Variants in IFNAR2 observed in about 807,000 individuals in gnomAD.
IFNAR2 encodes interferon alpha and beta receptor subunit 2.
Under a neutral mutation model 49.4 loss-of-function variants are expected in IFNAR2, and 30 were observed. The ratio of observed to expected loss-of-function variants is 0.61; its 90% CI spans 0.45 to 0.82. IFNAR2 has a LOEUF of 0.82. IFNAR2 is among the 40% of genes least tolerant of loss of function. The pLI, the probability that IFNAR2 is intolerant of heterozygous loss-of-function variation, is 0.00. For synonymous variants in IFNAR2, 224 were observed against 234.5 expected (o/e 0.96, Z 0.41); for missense variants, 600 against 622.7 (o/e 0.96, Z 0.39).
At chr21:33,236,420 C>G (rs1013984213) in intron 1 of IFNAR2, among the ~76,000 whole-genome samples, 1 of 152,180 alleles carries the variant, frequency 6.6e-6, no homozygotes, top group African/African-American at 2.4e-5. Context: ...TGGCCACGTC[C>G]AAGGGTCTTT....
intron 7 of IFNAR2, among the ~76,000 whole-genome samples, chr21:33,254,171 C>T (rs1988055254): frequency 1.3e-5 from 2 of 152,324 alleles, no homozygotes; most frequent in African/African-American, 4.8e-5. Flanking sequence ...CTCCTCTCAG[C>T]CAAGGGCCGA....
chr21:33,236,916 G>C, intron 1 of IFNAR2: 2 of 980,564 alleles, frequency 2.0e-6, no homozygotes, highest in African/African-American at 1.7e-5. Flanking sequence ...GTCAGCAAGA[G>C]TTTTAAGGAG....
chr21:33,249,293 G>A lies in IFNAR2; in HGVS notation c.540+439G>A, dbSNP rs572683193. 6.1e-5 allele frequency among the ~76,000 whole-genome samples: 9 copies of A among 148,750 alleles called. No homozygotes were observed. In the East Asian group the frequency reaches 1.6e-3, roughly 26 times the overall value. On this transcript the variant is annotated intron_variant, in intron 6 of 8. Coordinates refer to ENST00000342136, the MANE Select transcript of IFNAR2 (RefSeq NM_001289125.3). ...TAGGAGGCAGAGGTTGCAGTGAGCC[G>A]AGATCGCACCATTGTGTTCCAGCCT...
chr21:33,251,924 A>G (rs940425650), intron 6 of IFNAR2: 12 of 203,562 alleles, frequency 5.9e-5, no homozygotes, highest in Non-Finnish European at 8.7e-5. Context: ...CTCTACTAAA[A>G]ATACAAAAAT....
chr21:33,236,979 C>A, intron 1 of IFNAR2: 3 of 661,004 alleles, frequency 4.5e-6, no homozygotes, highest in Non-Finnish European at 3.7e-6. Flanking sequence ...ATTTTCCAAG[C>A]AAGAAGAATC....
intron 6 of IFNAR2, chr21:33,251,720 A>G: frequency 1.0e-6 from 1 of 985,188 alleles, no homozygotes; most frequent in South Asian, 4.7e-5. Context: ...ATTATTCATG[A>G]AAGAGCCTTC....
intron 8 of IFNAR2, among the ~76,000 whole-genome samples, chr21:33,262,235 G>A (rs1353371002): frequency 1.3e-5 from 2 of 151,714 alleles, no homozygotes; most frequent in Non-Finnish European, 2.9e-5. Flanking sequence ...CATAGTGGCG[G>A]GCGCCTGTAA....
At chr21:33,233,687 C>G (rs531770197) in intron 1 of IFNAR2, among the ~76,000 whole-genome samples, 1 of 152,144 alleles carries the variant, frequency 6.6e-6, no homozygotes, top group East Asian at 1.9e-4. Context: ...AAAGGGAATT[C>G]AGCACCCATG....
At chr21:33,245,874 T>C (rs189543662) in intron 4 of IFNAR2, among the ~76,000 whole-genome samples, 1 of 152,322 alleles carries the variant, frequency 6.6e-6, no homozygotes, top group East Asian at 1.9e-4. Context: ...ATCATCCAAC[T>C]AACTGAAGCT....
At chr21:33,245,503 G>A (rs1342003746) in intron 4 of IFNAR2, among the ~76,000 whole-genome samples, 1 of 152,254 alleles carries the variant, frequency 6.6e-6, no homozygotes, top group Non-Finnish European at 1.5e-5. Context: ...TGGGACACCA[G>A]AAAGCTGCCT....
chr21:33,245,167 TC>T, intron 4 of IFNAR2, 93 bp downstream of exon 4: 7 of 948,610 alleles, frequency 7.4e-6, no homozygotes, highest in Non-Finnish European at 1.2e-5. Context: ...TCTCTCCCTC[TC>T]CCTTTTCCTA....
intron 7 of IFNAR2, among the ~76,000 whole-genome samples, chr21:33,257,381 C>G (rs1042897222): frequency 1.5e-4 from 23 of 152,228 alleles, no homozygotes; most frequent in African/African-American, 5.1e-4. Flanking sequence ...AAGGACAAAG[C>G]TTTCACACCC....
chr21:33,235,476 G>C (rs1157948060), intron 1 of IFNAR2, among the ~76,000 whole-genome samples: 4 of 152,136 alleles, frequency 2.6e-5, no homozygotes, highest in Non-Finnish European at 4.4e-5. Flanking sequence ...GTGAGCTACA[G>C]ACTGAGCTCA....
chr21:33,260,522 C>G, intron 7 of IFNAR2, 75 bp from the exon 8 acceptor site: 1 of 1,383,992 alleles, frequency 7.2e-7, no homozygotes, highest in Non-Finnish European at 9.8e-7. Context: ...AACACCAGGC[C>G]AATGTACATT....
At chr21:33,239,208 A>T (rs553876530) in intron 1 of IFNAR2, among the ~76,000 whole-genome samples, 3 of 152,204 alleles carry the variant, frequency 2.0e-5, no homozygotes, top group East Asian at 3.9e-4. Context: ...TCTGGTAAGG[A>T]TACAACTCCA....
At position 33,245,048 on chromosome 21, in the gene IFNAR2, C is replaced by T. The variant is rs1211789862; in HGVS notation, c.195C>T (p.His65=). 1.2e-6 allele frequency: 2 copies of T among 1,609,726 alleles called. No individual in the cohort carries two copies. Among genetic ancestry groups the T allele is most frequent in the Non-Finnish European group, 1.7e-6 (2 of 1,176,072 alleles). ...AAAACCACTCCATTGTACCAACTCA[C>T]TATACATTGCTGTATACAATCATGA... is the stretch of plus-strand genomic sequence containing the variant. The part of the protein sequence containing the change: ...ELKNHSIVPT[H]YTLLYTIMSK... Residue 65 remains histidine, a synonymous_variant, in exon 4 of 9, where the codon CAC becomes CAT. Coordinates refer to ENST00000342136, the MANE Select transcript of IFNAR2 (RefSeq NM_001289125.3).
chr21:33,244,247 T>C (rs1325207991), intron 3 of IFNAR2, among the ~76,000 whole-genome samples: 1 of 152,210 alleles, frequency 6.6e-6, no homozygotes, highest in Non-Finnish European at 1.5e-5. Context: ...TTCAGTGATC[T>C]TTAAAAATTT....
chr21:33,243,734 T>A lies in IFNAR2; in HGVS notation c.97+20T>A. ...CGCCTGGTAAGAGATGTTTTTTGGCTTCACTAAATTTTGTATAAGAGTGAA... is the reference window on the plus strand; with the variant it reads ...CGCCTGGTAAGAGATGTTTTTTGGCATCACTAAATTTTGTATAAGAGTGAA... On this transcript the variant is annotated intron_variant, in intron 3 of 8. Transcript: ENST00000342136. 1.9e-6 allele frequency: 3 copies of A among 1,592,678 alleles called. No individual in the cohort carries two copies.
At chr21:33,253,664 C>T (rs2123507045) in intron 7 of IFNAR2, among the ~76,000 whole-genome samples, 1 of 152,316 alleles carries the variant, frequency 6.6e-6, no homozygotes, top group South Asian at 2.1e-4. Context: ...ATAGACAGAG[C>T]AGCCCCGAGG....
Sources: allele counts gnomAD v4.1 joint callset (sites outside exome capture counted in the v4.1 genomes callset), GRCh38; gene constraint gnomAD v4.1.1; transcripts MANE v1.5; gene names NCBI Gene and HGNC (gene_info 2026-07-23, HGNC 2026-07-21).